GIT2: variants seen among roughly 807,000 people sequenced by gnomAD.
The protein encoded by GIT2 is GIT ArfGAP 2.
GIT2 carries 32 observed loss-of-function variants against 100.3 expected under a neutral mutation model. The ratio of observed to expected loss-of-function variants is 0.32; its 90% CI spans 0.24 to 0.43. The LOEUF is 0.43. GIT2 is among the 20% of genes least tolerant of loss of function. The pLI, the probability that GIT2 is intolerant of heterozygous loss-of-function variation, is 1.00. For missense variants in GIT2, 737 were observed against 975.1 expected (o/e 0.76, Z 3.25); for synonymous variants, 353 against 364.1 (o/e 0.97, Z 0.35).
chr12:109,980,908 C>T (rs1325584834), intron 7 of GIT2, 44 bp downstream of exon 7: 2 of 1,225,084 alleles, frequency 1.6e-6, no homozygotes, highest in South Asian at 2.4e-5. Flanking sequence ...TTTCTAGAAC[C>T]TTCCCAACTG....
chr12:109,950,807 C>T (rs540403621), intron 14 of GIT2: 1 of 187,156 alleles, frequency 5.3e-6, no homozygotes, highest in African/African-American at 2.3e-5. Context: ...TGCCCCTGCC[C>T]AGGGCTCTCA....
chr12:109,992,095 C>G, intron 1 of GIT2: 1 of 181,062 alleles, frequency 5.5e-6, no homozygotes, highest in East Asian at 1.4e-4. Flanking sequence ...TGAGAGGGTA[C>G]AGACGAATGA....
intron 16 of GIT2, among the ~76,000 whole-genome samples, chr12:109,940,816 T>C (rs1255216151): frequency 2.0e-5 from 3 of 150,264 alleles, no homozygotes; most frequent in Non-Finnish European, 4.4e-5. Flanking sequence ...GAGGCGGAGG[T>C]TGCAGTGAGA....
chr12:109,970,852 C>T (rs1015203340), intron 7 of GIT2, among the ~76,000 whole-genome samples: 3 of 152,022 alleles, frequency 2.0e-5, no homozygotes, highest in Admixed American at 1.3e-4. Context: ...TGCAGTGGCA[C>T]GATCATGGCT....
chr12:109,980,216 CCAT>C (rs1262095364), intron 7 of GIT2, among the ~76,000 whole-genome samples: 2 of 152,002 alleles, frequency 1.3e-5, no homozygotes, highest in African/African-American at 4.8e-5. Flanking sequence ...GCGCACACCA[CCAT>C]GCCTGGCTGA....
Position 109,989,712 on chromosome 12 carries a change from C to T in GIT2, c.277G>A (p.Ala93Thr). The T allele has an allele frequency of 6.5e-7, 1 of 1,545,344 alleles. No homozygotes were observed. Among genetic ancestry groups the T allele is most frequent in the Non-Finnish European group, 8.9e-7 (1 of 1,117,416 alleles). ...CACTGTACTTTATCCTGTGGATTAGCTTTACGTCTTCCACTCATAATAGAC... is the reference window on the plus strand; with the variant it reads ...CACTGTACTTTATCCTGTGGATTAGTTTTACGTCTTCCACTCATAATAGAC... ...PASIMSGRRK[A>T]NPQDKVHPNK... is the part of the protein sequence containing the mutation. The change falls in exon 3 of 20, where the codon GCT becomes ACT. Residue 93 changes from alanine (A) to threonine (T), a missense_variant. Physicochemically the swap from Ala to Thr is moderately conservative, Grantham distance 58 (BLOSUM62 0). Transcript: ENST00000355312.
At chr12:109,952,791 A>G (rs1463242180) in intron 13 of GIT2, 6 of 475,932 alleles carry the variant, frequency 1.3e-5, no homozygotes, top group South Asian at 9.9e-5. Flanking sequence ...CTAGGCAATG[A>G]GAGCCTCACA....
In GIT2 at chr12:109,931,320, G is replaced by A. The variant is rs1871599807; in HGVS notation, c.*1658C>T. 1 of 152,294 alleles carries A rather than the reference G, an allele frequency of 6.6e-6. No homozygotes were observed. Among genetic ancestry groups the A allele is most frequent in the Non-Finnish European group, 1.5e-5 (1 of 68,114 alleles). The allele number at this position is 152,294 out of a possible 1,614,324, so 9.4% of individuals were successfully genotyped here. On this transcript the variant is annotated 3_prime_UTR_variant, in exon 20 of 20. Transcript: ENST00000355312. ...GGTTGGCCGGCTCCATTACGGGTAA[G>A]ACTCAGAGGCTGCTCCAGGTGTGTC... is the stretch of plus-strand genomic sequence containing the variant.
intron 18 of GIT2, among the ~76,000 whole-genome samples, chr12:109,935,200 C>A (rs748374967): frequency 1.3e-5 from 2 of 152,122 alleles, no homozygotes; most frequent in Non-Finnish European, 2.9e-5. Flanking sequence ...CAATTAGAAT[C>A]ACAAACCATT....
At chr12:109,981,411 T>C (rs1886296625) in intron 6 of GIT2, 2 of 221,110 alleles carry the variant, frequency 9.0e-6, no homozygotes, top group Middle Eastern at 2.0e-3. Context: ...TCTAGAAATA[T>C]ACCATGTGCA....
intron 4 of GIT2, among the ~76,000 whole-genome samples, chr12:109,984,977 C>T (rs1423573279): frequency 1.3e-5 from 2 of 152,020 alleles, no homozygotes; most frequent in South Asian, 4.2e-4. Flanking sequence ...GGAAAAGGCC[C>T]GTGATATACC....
chr12:109,958,046 G>A (rs1555226845), intron 12 of GIT2, among the ~76,000 whole-genome samples: 2 of 151,772 alleles, frequency 1.3e-5, no homozygotes, highest in Non-Finnish European at 1.5e-5. Flanking sequence ...CCAGGTTCAC[G>A]CCATTCTCCT....
intron 6 of GIT2, chr12:109,982,771 G>A (rs541791154): frequency 1.8e-4 from 27 of 151,918 alleles, no homozygotes; most frequent in African/African-American, 6.5e-4. Flanking sequence ...CTCCCGGGTA[G>A]CGGGATTACA....
rs1014085647 is a variant in GIT2, at chr12:109,938,528, C to T, written c.1855G>A (p.Gly619Arg). ...KGRQRSMVWP[G>R]DGLVPDTAEP... Reference sequence around the variant, plus strand: ...GCTGTGTCTGGTACCAAGCCATCCCCTGGCCACACCATACTTCTTTGCCGT... The same window carrying T: ...GCTGTGTCTGGTACCAAGCCATCCCTTGGCCACACCATACTTCTTTGCCGT... Residue 619 changes from glycine (G) to arginine (R), a missense_variant, in exon 18 of 20, where the codon GGG (glycine) becomes AGG (arginine). By Grantham distance (125) the Gly-to-Arg change is moderately radical. Around this residue, in one of 3 missense-constraint regions of GIT2, gnomAD observed 451 missense variants for 543.7 expected, o/e 0.83. Transcript: ENST00000355312. 1 of 1,610,224 alleles carries T rather than the reference C, an allele frequency of 6.2e-7. No homozygotes were observed. The highest frequency in any genetic ancestry group is 8.5e-7 in the Non-Finnish European group (1 of 1,178,680).
chr12:109,950,863 A>G, intron 14 of GIT2: 1 of 258,306 alleles, frequency 3.9e-6, no homozygotes, highest in Non-Finnish European at 7.5e-6. Context: ...AGCAATGGGA[A>G]GAATCACATC....
intron 7 of GIT2, among the ~76,000 whole-genome samples, chr12:109,978,379 G>A (rs1266962608): frequency 1.3e-5 from 2 of 152,008 alleles, no homozygotes; most frequent in African/African-American, 4.8e-5. Context: ...CATTGAGCCT[G>A]TCCCAAATTT....
intron 1 of GIT2, among the ~76,000 whole-genome samples, chr12:109,994,075 C>CAAAAAAAAAAAAAAAAAAAAAAAAAAAA (rs34393850): frequency 3.4e-5 from 2 of 59,692 alleles, no homozygotes; most frequent in Non-Finnish European, 7.3e-5. Flanking sequence ...ACACTAATGG[C>CAAAAAAAAAAAAAAAAAAAAAAAAAAAA]AAAAAAAAAA....
chr12:109,999,367 T>A (rs1261671187), upstream of GIT2: 4 of 161,784 alleles, frequency 2.5e-5, no homozygotes, highest in African/African-American at 9.6e-5. The surrounding 1 kb of genome is among the most constrained non-coding windows in gnomAD (Gnocchi z 4.3). Flanking sequence ...AGGTCGCCTA[T>A]CCCCGCCGCG....
chr12:109,989,367 G>GC (rs1254904749), intron 3 of GIT2, among the ~76,000 whole-genome samples: 1 of 152,170 alleles, frequency 6.6e-6, no homozygotes. Flanking sequence ...TATAAGTGAG[G>GC]CAACAGGCAG....
Sources: allele counts gnomAD v4.1 joint callset (sites outside exome capture counted in the v4.1 genomes callset), GRCh38; gene constraint gnomAD v4.1.1; regional missense constraint gnomAD v4.1.1; non-coding constraint Gnocchi (gnomAD v3.1); transcripts MANE v1.5; gene names NCBI Gene and HGNC (gene_info 2026-07-23, HGNC 2026-07-21).